EPN1: variants seen among roughly 807,000 people sequenced by gnomAD.
The protein encoded by EPN1 is epsin-1.
In EPN1, 25 loss-of-function variants were observed where a neutral mutation model predicts 56.9. The ratio of observed to expected loss-of-function variants is 0.44; its 90% CI spans 0.32 to 0.61. The LOEUF is 0.61. Among genes scored for constraint, EPN1 ranks in the 20% least tolerant of loss-of-function variants. The pLI is 0.05. For missense variants in EPN1, 785 were observed against 823.7 expected (o/e 0.95, Z 0.58); for synonymous variants, 411 against 361.8 (o/e 1.14, Z -1.54).
chr19:55,686,859 CAGT>C (rs1986204435), intron 3 of EPN1, among the ~76,000 whole-genome samples: 1 of 151,316 alleles, frequency 6.6e-6, no homozygotes, highest in Non-Finnish European at 1.5e-5. Flanking sequence ...GGGACATTGG[CAGT>C]AGCTCGGAGG....
At chr19:55,688,249 G>C (rs1212681283) in intron 3 of EPN1, among the ~76,000 whole-genome samples, 1 of 152,060 alleles carries the variant, frequency 6.6e-6, no homozygotes, top group Non-Finnish European at 1.5e-5. Flanking sequence ...CGGGGTTGCT[G>C]AGAGGATGCT....
rs1482766828 is a variant in EPN1, at chr19:55,697,507, G to A, written c.*2151G>A. 11 of 152,316 alleles carry A rather than the reference G, an allele frequency of 7.2e-5. No homozygotes were observed. In the East Asian group the frequency reaches 2.1e-3, roughly 29 times the overall value. The allele number at this position is 152,316 out of a possible 1,614,324, so 9.4% of individuals were successfully genotyped here. A position where few individuals can be genotyped will look rare whatever the true frequency, so the allele number is the denominator to read the frequency against. On this transcript the variant is annotated 3_prime_UTR_variant, in exon 11 of 11. Coordinates refer to ENST00000270460, the MANE Select transcript of EPN1 (RefSeq NM_001130072.2). ...GATTAGTCCAGTGGAGGGGTTAAAGGTGTGAGGCTTTAATTCTCCCCACCA... is the reference window on the plus strand; with the variant it reads ...GATTAGTCCAGTGGAGGGGTTAAAGATGTGAGGCTTTAATTCTCCCCACCA...
chr19:55,694,585 G>A lies in EPN1; in HGVS notation c.1265-141G>A, dbSNP rs777019384. On this transcript the variant is annotated intron_variant, in intron 9 of 10. Transcript: ENST00000270460. The surrounding 1 kb of genome is among the most constrained non-coding windows in gnomAD (Gnocchi z 4.2). ...TTTGGCCTGGGCAAGCGATGCTTCC[G>A]CTCTGCACCTCAGTTCCTCCTTCCC... 36 of 1,064,246 alleles carry A rather than the reference G, an allele frequency of 3.4e-5. No homozygotes were observed. Among genetic ancestry groups the A allele is most frequent in the Admixed American group, 3.2e-4 (10 of 30,818 alleles). 65.9% of individuals were successfully genotyped at this position (1,064,246 alleles called of 1,614,324 possible). A position where few individuals can be genotyped will look rare whatever the true frequency, so the allele number is the denominator to read the frequency against.
At chr19:55,677,208 C>G in intron 1 of EPN1, 1 of 1,524,764 alleles carries the variant, frequency 6.6e-7, no homozygotes, top group Non-Finnish European at 8.9e-7. Flanking sequence ...CCAGGCTGCT[C>G]CAGGAGTAAG....
In EPN1 at chr19:55,705,700, C is replaced by G. The variant is rs1987356380; in HGVS notation, c.*10344C>G. 6.6e-6 allele frequency: 1 copy of G among 151,526 alleles called. No homozygotes were observed. Among genetic ancestry groups the G allele is most frequent in the African/African-American group, 2.4e-5 (1 of 41,120 alleles). The allele number at this position is 151,526 out of a possible 1,614,324, so 9.4% of individuals were successfully genotyped here. ...TTATCAGAGTCAAGTTAATAAAGGC[C>G]AAAGGTAGAGAAAATCTTGAAAGTA... is the stretch of plus-strand genomic sequence containing the variant. On this transcript the variant is annotated 3_prime_UTR_variant, in exon 11 of 11. Coordinates refer to ENST00000270460, the MANE Select transcript of EPN1 (RefSeq NM_001130072.2).
intron 2 of EPN1, among the ~76,000 whole-genome samples, chr19:55,682,364 G>A (rs936442490): frequency 6.6e-6 from 1 of 152,150 alleles, no homozygotes; most frequent in African/African-American, 2.4e-5. Flanking sequence ...TTTGTGTCTG[G>A]CTTCTTTTGC....
chr19:55,685,866 C>T (rs1986136631), intron 3 of EPN1, among the ~76,000 whole-genome samples: 1 of 152,242 alleles, frequency 6.6e-6, no homozygotes, highest in African/African-American at 2.4e-5. Flanking sequence ...TGCCTCTTGC[C>T]TCGTGCCCCA....
chr19:55,683,613 A>G (rs1252526786), intron 2 of EPN1, among the ~76,000 whole-genome samples: 1 of 152,148 alleles, frequency 6.6e-6, no homozygotes, highest in East Asian at 1.9e-4. Flanking sequence ...TCAGCCTCCC[A>G]TAGTGCCGGG....
chr19:55,678,571 C>A lies in EPN1; in HGVS notation c.-57C>A. 1 of 1,558,674 alleles carries A rather than the reference C, an allele frequency of 6.4e-7. No homozygotes were observed. The highest frequency in any genetic ancestry group is 8.7e-7 in the Non-Finnish European group (1 of 1,154,250). On this transcript the variant is annotated 5_prime_UTR_variant, in exon 2 of 11. Transcript: ENST00000270460. ...CCTGCCGCAGCCTTCGTCCGGGAGT[C>A]GCCCCATCTCTCCACGCATCGGGGC...
chr19:55,706,738 TAAA>T lies in EPN1; in HGVS notation c.*11391_*11393del, dbSNP rs943141810. On this transcript the variant is annotated 3_prime_UTR_variant, in exon 11 of 11. Transcript: ENST00000270460. ...TTAAAAAACAATAGTAAAGAGAGAT[TAAA>T]AAAAAAAAGTAAATGGGCCAGGTGC... 2 of 143,856 alleles carry T rather than the reference TAAA, an allele frequency of 1.4e-5. No individual in the cohort carries two copies. Among genetic ancestry groups the T allele is most frequent in the African/African-American group, 2.5e-5 (1 of 39,258 alleles). 8.9% of individuals were successfully genotyped at this position (143,856 alleles called of 1,614,324 possible).
chr19:55,688,040 C>T (rs926827392), intron 3 of EPN1, among the ~76,000 whole-genome samples: 5 of 152,174 alleles, frequency 3.3e-5, no homozygotes, highest in Admixed American at 2.0e-4. Context: ...ACAGAACTTG[C>T]TGACCAGTGC....
chr19:55,684,098 C>T (rs1160222083), intron 2 of EPN1, among the ~76,000 whole-genome samples: 2 of 152,130 alleles, frequency 1.3e-5, no homozygotes, highest in Non-Finnish European at 2.9e-5. Context: ...ACCTTGAGGG[C>T]CGGTTAAAGA....
intron 9 of EPN1, among the ~76,000 whole-genome samples, chr19:55,693,953 C>G (rs564464575): frequency 6.6e-6 from 1 of 152,128 alleles, no homozygotes; most frequent in African/African-American, 2.4e-5. Flanking sequence ...CAATGGCTCA[C>G]GCCTGTAATC....
rs1355839360 is a variant in EPN1, at chr19:55,708,776, T to C, written c.*13420T>C. 2 of 591,900 alleles carry C rather than the reference T, an allele frequency of 3.4e-6. No individual in the cohort carries two copies. Among genetic ancestry groups the C allele is most frequent in the Non-Finnish European group, 5.8e-6 (2 of 342,178 alleles). 36.7% of individuals were successfully genotyped at this position (591,900 alleles called of 1,614,324 possible). A position where few individuals can be genotyped will look rare whatever the true frequency, so the allele number is the denominator to read the frequency against. On this transcript the variant is annotated 3_prime_UTR_variant, in exon 11 of 11. Coordinates refer to ENST00000270460, the MANE Select transcript of EPN1 (RefSeq NM_001130072.2). ...GAATCACACTCCATAATCATATTGC[T>C]AGAACACTTAGGGAGTACCTCTGAA...
In EPN1 at chr19:55,689,990, T is replaced by TGTCC. The variant is rs1175145177; in HGVS notation, c.762+49_762+52dup. On this transcript the variant is annotated intron_variant, in intron 6 of 10. Coordinates refer to ENST00000270460, the MANE Select transcript of EPN1 (RefSeq NM_001130072.2). The surrounding 1 kb of genome is among the most constrained non-coding windows in gnomAD (Gnocchi z 5.7). ...TTCTGCCCTCCCTGGCCCCTGCAGG[T>TGTCC]GTCCGTCCGTCCCATCGCTCATTCC... is the stretch of plus-strand genomic sequence containing the variant. The TGTCC allele has an allele frequency of 1.3e-6, 2 of 1,534,622 alleles. No homozygotes were observed. Among genetic ancestry groups the TGTCC allele is most frequent in the Admixed American group, 3.9e-5 (2 of 51,658 alleles).
intron 2 of EPN1, among the ~76,000 whole-genome samples, chr19:55,681,911 A>G (rs1985843490): frequency 6.6e-6 from 1 of 152,056 alleles, no homozygotes; most frequent in Non-Finnish European, 1.5e-5. Context: ...GGCTCCAAGC[A>G]TGGTTGAGGA....
intron 1 of EPN1, chr19:55,676,669 G>A (rs1448768198): frequency 6.4e-6 from 1 of 155,084 alleles, no homozygotes; most frequent in African/African-American, 2.4e-5. Context: ...TCAAGGAGGT[G>A]TGCGCTGCAG....
chr19:55,690,784 G>A (rs953370589), intron 6 of EPN1, among the ~76,000 whole-genome samples: 4 of 152,178 alleles, frequency 2.6e-5, no homozygotes, highest in African/African-American at 9.7e-5. Flanking sequence ...TCCATGGGAG[G>A]CGGCAGACAG....
At position 55,697,326 on chromosome 19, in the gene EPN1, A is replaced by G. The variant is rs901573830; in HGVS notation, c.*1970A>G. On this transcript the variant is annotated 3_prime_UTR_variant, in exon 11 of 11. Transcript: ENST00000270460. ...GGCGAGCCGAGCCTCCCTCTTGCCA[A>G]TCTTGGTCTCCCCACAGGGTCATAG... The G allele has an allele frequency of 2.0e-5, 3 of 152,144 alleles. No individual in the cohort carries two copies. The highest frequency in any genetic ancestry group is 7.2e-5 in the African/African-American group (3 of 41,416). The allele number at this position is 152,144 out of a possible 1,614,324, so 9.4% of individuals were successfully genotyped here.
Sources: gnomAD v4.1 joint callset for allele counts (sites outside exome capture counted in the v4.1 genomes callset) on GRCh38, gnomAD v4.1.1 for gene constraint, Gnocchi (gnomAD v3.1) non-coding constraint, MANE v1.5 for transcripts, NCBI Gene and HGNC (gene_info 2026-07-23, HGNC 2026-07-21) for gene names.